The following ZZEF1 variants were observed in gnomAD, a reference collection of about 807,000 sequenced individuals.
The protein encoded by ZZEF1 is zinc finger ZZ-type and EF-hand domain containing 1.
Under a neutral mutation model 342.8 loss-of-function variants are expected in ZZEF1, and 157 were observed. The observed-to-expected ratio is 0.46, with a 90% CI of 0.40 to 0.52. The LOEUF (loss-of-function observed/expected upper bound fraction) is 0.52. ZZEF1 is among the 20% of genes least tolerant of loss of function. ZZEF1 has a pLI of 0.00. For synonymous variants in ZZEF1, 1,505 were observed against 1,429.1 expected (o/e 1.05, Z -1.20); for missense variants, 3,480 against 3,725.6 (o/e 0.93, Z 1.72).
chr17:4,006,815 T>G lies in ZZEF1; in HGVS notation c.*75A>C, dbSNP rs2055810904. ...CTGGGCACTGGCGCTACAGGAGTTT[T>G]CCTGAATGAGGTTAGATGTCTGCTC... On this transcript the variant is annotated 3_prime_UTR_variant, in exon 55 of 55. Transcript: ENST00000381638. 3 of 1,493,196 alleles carry G rather than the reference T, an allele frequency of 2.0e-6. No individual in the cohort carries two copies. The highest frequency in any genetic ancestry group is 1.4e-5 in the African/African-American group (1 of 71,818). The allele number at this position is 1,493,196 out of a possible 1,614,324, so 92.5% of individuals were successfully genotyped here.
Position 4,004,746 on chromosome 17 carries a change from G to A in ZZEF1, c.*2144C>T, listed in dbSNP as rs988613939. 1 of 152,264 alleles carries A rather than the reference G, an allele frequency of 6.6e-6. No homozygotes were observed. Among genetic ancestry groups the A allele is most frequent in the African/African-American group, 2.4e-5 (1 of 41,458 alleles). The allele number at this position is 152,264 out of a possible 1,614,324, so 9.4% of individuals were successfully genotyped here. A position where few individuals can be genotyped will look rare whatever the true frequency, so the allele number is the denominator to read the frequency against. ...TTGCTCTGCGGGCTTCGCCTCCTCC[G>A]GGCCTGGGGCTCCTGGAAAGCGCCG... On this transcript the variant is annotated 3_prime_UTR_variant, in exon 55 of 55. Transcript: ENST00000381638.
chr17:4,126,141 C>T (rs2058569234), intron 1 of ZZEF1, among the ~76,000 whole-genome samples: 1 of 149,764 alleles, frequency 6.7e-6, no homozygotes, highest in South Asian at 2.1e-4. Context: ...CAGAGAATTG[C>T]TTGAACCCAG....
chr17:4,019,600 G>A, intron 46 of ZZEF1, 69 bp downstream of exon 46: 2 of 1,397,446 alleles, frequency 1.4e-6, no homozygotes, highest in Non-Finnish European at 2.0e-6. Flanking sequence ...CTGCCAGGAG[G>A]CGCACACCCT....
At position 4,016,129 on chromosome 17, in the gene ZZEF1, T is replaced by C. The variant is rs1824758792; in HGVS notation, c.8145+194A>G. ...AAGAAAAGTCCGGAGAAGAGAAGAC[T>C]TGCTTGTACAGAATCCCTGGCCTCA... On this transcript the variant is annotated intron_variant, in intron 49 of 54. Coordinates refer to ENST00000381638, the MANE Select transcript of ZZEF1 (RefSeq NM_015113.4). This position sits in a 1 kb window ranked among gnomAD's most constrained non-coding sequence, Gnocchi z 4.4. Among the ~76,000 whole-genome samples the C allele has an allele frequency of 6.6e-6, 1 of 152,182 alleles. No homozygotes were observed. The highest frequency in any genetic ancestry group is 6.5e-5 in the Admixed American group (1 of 15,282).
chr17:4,131,880 T>C (rs1567869353), intron 1 of ZZEF1, among the ~76,000 whole-genome samples: 1 of 152,088 alleles, frequency 6.6e-6, no homozygotes, highest in Non-Finnish European at 1.5e-5. Context: ...CTAAACAAAA[T>C]GGACAGAATT....
intron 1 of ZZEF1, among the ~76,000 whole-genome samples, chr17:4,135,713 A>G (rs917099433): frequency 2.0e-5 from 3 of 152,162 alleles, no homozygotes; most frequent in Admixed American, 6.5e-5. Context: ...CAGATCACTG[A>G]TAACAGCGAT....
chr17:4,024,952 G>C lies in ZZEF1; in HGVS notation c.7059C>G (p.Ser2353=), dbSNP rs1247262217. The change falls in exon 43 of 55, where the codon TCC becomes TCG. Residue 2353 remains serine, a synonymous_variant. Coordinates refer to ENST00000381638, the MANE Select transcript of ZZEF1 (RefSeq NM_015113.4). ...TTTTATACAATCCTTTCAGGGCCAG[G>C]GACAGGACCCAAGTTGCTTCTACTG... ...PEAVEATWVL[S]LALKGLYKTL... The C allele has an allele frequency of 2.5e-6, 4 of 1,614,154 alleles. No individual in the cohort carries two copies. The South Asian group carries it at 4.4e-5, about 18-fold the overall frequency.
At chr17:4,021,757 T>C (rs890168030) in intron 44 of ZZEF1, among the ~76,000 whole-genome samples, 1 of 152,214 alleles carries the variant, frequency 6.6e-6, no homozygotes, top group Admixed American at 6.5e-5. Context: ...ACAAATATTA[T>C]GAAAACTACA....
chr17:4,117,212 A>G, intron 2 of ZZEF1, 46 bp from the exon 3 acceptor site: 2 of 1,508,068 alleles, frequency 1.3e-6, no homozygotes, highest in African/African-American at 1.4e-5. Flanking sequence ...AAGCCACAGT[A>G]GTTTCCACAT....
intron 27 of ZZEF1, 56 bp downstream of exon 27, chr17:4,067,104 CATG>C: frequency 7.2e-7 from 1 of 1,385,554 alleles, no homozygotes; most frequent in Non-Finnish European, 1.0e-6. Flanking sequence ...ATCTTAATTC[CATG>C]ATATCACGGT....
At chr17:4,080,358 T>G (rs571728148) in intron 18 of ZZEF1, among the ~76,000 whole-genome samples, 3 of 152,216 alleles carry the variant, frequency 2.0e-5, no homozygotes, top group African/African-American at 7.2e-5. Context: ...TTGTTTGTTT[T>G]GAGACAGAGT....
chr17:4,135,537 C>A (rs2058734464), intron 1 of ZZEF1, among the ~76,000 whole-genome samples: 1 of 152,158 alleles, frequency 6.6e-6, no homozygotes, highest in African/African-American at 2.4e-5. Flanking sequence ...GAGCGCTCAG[C>A]CACTTTCTGT....
intron 11 of ZZEF1, among the ~76,000 whole-genome samples, chr17:4,091,091 T>C (rs2057935043): frequency 1.3e-5 from 2 of 152,242 alleles, no homozygotes; most frequent in Non-Finnish European, 2.9e-5. Context: ...AATTGGCTCA[T>C]CTGAAGAATG....
chr17:4,075,212 C>T, intron 22 of ZZEF1, 34 bp from the exon 23 acceptor site: 2 of 1,613,818 alleles, frequency 1.2e-6, no homozygotes, highest in Non-Finnish European at 1.7e-6. Context: ...GCTTCCTTCT[C>T]TCATTGCTGA....
intron 1 of ZZEF1, among the ~76,000 whole-genome samples, chr17:4,141,927 C>A (rs2058858327): frequency 6.6e-6 from 1 of 152,154 alleles, no homozygotes; most frequent in Non-Finnish European, 1.5e-5. Flanking sequence ...TGAAGAACTG[C>A]ATAATTACAA....
At chr17:4,072,793 T>C in intron 24 of ZZEF1, 37 bp from the exon 25 acceptor site, 1 of 1,547,976 alleles carries the variant, frequency 6.5e-7, no homozygotes, top group South Asian at 1.2e-5. Context: ...GTTCTATTTT[T>C]GCCTTAATAT....
intron 1 of ZZEF1, among the ~76,000 whole-genome samples, chr17:4,141,804 C>T (rs1314818654): frequency 2.0e-5 from 3 of 151,872 alleles, no homozygotes; most frequent in Non-Finnish European, 4.4e-5. Context: ...CTTCTTAACT[C>T]GAAGTGAAGC....
chr17:4,112,175 T>C (rs948134012), intron 5 of ZZEF1, among the ~76,000 whole-genome samples: 1 of 149,410 alleles, frequency 6.7e-6, no homozygotes, highest in African/African-American at 2.5e-5. Flanking sequence ...AGATGGAGTC[T>C]TGCTCTGTCA....
rs1051307629 is a variant in ZZEF1, at chr17:4,020,988, A to G, written c.7404+141T>C. 4.7e-5 allele frequency: 42 copies of G among 891,676 alleles called. 2 individuals carry two copies. Among genetic ancestry groups the G allele is most frequent in the African/African-American group, 3.3e-4 (20 of 59,746 alleles). The allele number at this position is 891,676 out of a possible 1,614,324, so 55.2% of individuals were successfully genotyped here. A position where few individuals can be genotyped will look rare whatever the true frequency, so the allele number is the denominator to read the frequency against. ...TTCTTCTGGATCAATTCTGCACAAC[A>G]TAAGACTGAGTCTTTAGGAAGTGAA... On this transcript the variant is annotated intron_variant, in intron 45 of 54. Transcript: ENST00000381638.
Sources: allele counts gnomAD v4.1 joint callset (sites outside exome capture counted in the v4.1 genomes callset), GRCh38; gene constraint gnomAD v4.1.1; non-coding constraint Gnocchi (gnomAD v3.1); transcripts MANE v1.5; gene names NCBI Gene and HGNC (gene_info 2026-07-23, HGNC 2026-07-21).